ZC3H6: variants seen among roughly 807,000 people sequenced by gnomAD.
ZC3H6 encodes zinc finger CCCH domain-containing protein 6.
Under a neutral mutation model 107.7 loss-of-function variants are expected in ZC3H6, and 40 were observed. That is an observed-to-expected ratio of 0.37 (90% CI 0.29 to 0.48). The LOEUF is 0.48. Ranked by LOEUF, ZC3H6 falls within the 20% of genes least tolerant of loss-of-function variation. The probability of loss-of-function intolerance (pLI) is 0.98; values close to 1 mark genes in which losing one functional copy is unlikely to be tolerated. For synonymous variants in ZC3H6, 493 were observed against 487.9 expected (o/e 1.01, Z -0.14); for missense variants, 1,267 against 1,410.4 (o/e 0.90, Z 1.63).
In ZC3H6 at chr2:112,311,922, G is replaced by A. The variant is rs765923892; in HGVS notation, c.732G>A (p.Ser244=). The A allele has an allele frequency of 2.0e-5, 33 of 1,611,848 alleles. No individual in the cohort carries two copies. Among genetic ancestry groups the A allele is most frequent in the Admixed American group, 1.0e-4 (6 of 59,820 alleles). ...TNKGPNVFSV[S]DDFQEYNKPG... ...AAGGGCCTAATGTGTTTTCAGTATC[G>A]GATGACTTTCAAGAGGTACTAAGAA... is the stretch of plus-strand genomic sequence containing the variant. The change falls in exon 5 of 12, where the codon TCG becomes TCA. Residue 244 remains serine (S), a synonymous_variant. Transcript: ENST00000409871.
rs988346052 is a variant in ZC3H6 at position 112,339,149 on chromosome 2, C to G, written c.*6661C>G. 1.3e-5 allele frequency: 2 copies of G among 152,056 alleles called. No homozygotes were observed. Among genetic ancestry groups the G allele is most frequent in the Non-Finnish European group, 2.9e-5 (2 of 68,006 alleles). 9.4% of individuals were successfully genotyped at this position (152,056 alleles called of 1,614,324 possible). On this transcript the variant is annotated 3_prime_UTR_variant, in exon 12 of 12. Coordinates refer to ENST00000409871, the MANE Select transcript of ZC3H6 (RefSeq NM_198581.3). The stretch of plus-strand genomic sequence containing the variant: ...CCTCAAATGATCCACCGACCTGAGC[C>G]TCCCAAAGTGCTGGCCTTACAGGCA...
At chr2:112,315,598 TTTTG>T (rs887247356) in intron 5 of ZC3H6, among the ~76,000 whole-genome samples, 9 of 152,014 alleles carry the variant, frequency 5.9e-5, no homozygotes, top group African/African-American at 1.9e-4. Context: ...TTTGTTTTTT[TTTTG>T]TTTGTTTGTT....
In ZC3H6 at chr2:112,332,848, C is replaced by T. The variant is rs1386602243; in HGVS notation, c.*360C>T. 1 of 166,336 alleles carries T rather than the reference C, an allele frequency of 6.0e-6. No homozygotes were observed. Among genetic ancestry groups the T allele is most frequent in the Non-Finnish European group, 1.3e-5 (1 of 76,756 alleles). The allele number at this position is 166,336 out of a possible 1,614,324, so 10.3% of individuals were successfully genotyped here. A position where few individuals can be genotyped will look rare whatever the true frequency, so the allele number is the denominator to read the frequency against. On this transcript the variant is annotated 3_prime_UTR_variant, in exon 12 of 12. Coordinates refer to ENST00000409871, the MANE Select transcript of ZC3H6 (RefSeq NM_198581.3). ...TTTTATATGGTTGTTTAGTTTCAAGCAATATGATGTACATTACTTTTGAGA... is the reference window on the plus strand; with the variant it reads ...TTTTATATGGTTGTTTAGTTTCAAGTAATATGATGTACATTACTTTTGAGA...
chr2:112,282,497 G>C (rs1686545600), intron 1 of ZC3H6, among the ~76,000 whole-genome samples: 1 of 152,040 alleles, frequency 6.6e-6, no homozygotes, highest in Non-Finnish European at 1.5e-5. Context: ...AACAACCCTG[G>C]GAAATAGGTC....
chr2:112,320,759 A>G (rs1676786298), intron 7 of ZC3H6, among the ~76,000 whole-genome samples: 1 of 152,016 alleles, frequency 6.6e-6, no homozygotes, highest in Admixed American at 6.5e-5. Context: ...ATTTTACTTC[A>G]TTTACAATAT....
intron 3 of ZC3H6, among the ~76,000 whole-genome samples, chr2:112,309,398 G>A (rs1012026067): frequency 6.6e-6 from 1 of 151,994 alleles, no homozygotes; most frequent in African/African-American, 2.4e-5. Flanking sequence ...TTTTCTATTA[G>A]ACCCTTGATA....
intron 3 of ZC3H6, among the ~76,000 whole-genome samples, chr2:112,309,196 A>G (rs1676548523): frequency 6.6e-6 from 1 of 152,238 alleles, no homozygotes; most frequent in African/African-American, 2.4e-5. Context: ...AATAGAACTA[A>G]TAAAAATATT....
rs774192601 is a variant in ZC3H6 at position 112,332,196 on chromosome 2, C to G, written c.3278C>G (p.Ala1093Gly). 7 of 1,613,964 alleles carry G rather than the reference C, an allele frequency of 4.3e-6. No homozygotes were observed. Among genetic ancestry groups the G allele is most frequent in the Admixed American group, 1.7e-5 (1 of 60,014 alleles). ...AAAACTGAACCTTCTCCTGGAGAAG[C>G]CATCCTTCCACAAAAACCCAGTCCA... The part of the protein sequence containing the change: ...SDKTEPSPGE[A>G]ILPQKPSPNV... The change falls in exon 12 of 12, where the codon GCC becomes GGC. Residue 1093 changes from alanine (A) to glycine (G), a missense_variant. Ala to Gly is a moderately conservative substitution (Grantham distance 60, BLOSUM62 0). Coordinates refer to ENST00000409871, the MANE Select transcript of ZC3H6 (RefSeq NM_198581.3).
At chr2:112,277,836 C>G (rs1415647028) in intron 1 of ZC3H6, among the ~76,000 whole-genome samples, 1 of 151,594 alleles carries the variant, frequency 6.6e-6, no homozygotes. Flanking sequence ...ACAACTACAT[C>G]AAAAACAAAG....
At chr2:112,309,602 G>A (rs1048926156) in intron 3 of ZC3H6, among the ~76,000 whole-genome samples, 3 of 152,142 alleles carry the variant, frequency 2.0e-5, no homozygotes, top group Non-Finnish European at 4.4e-5. Context: ...GTATGATTGT[G>A]TGTATTTTTA....
chr2:112,320,171 G>A (rs1010819387), intron 7 of ZC3H6, among the ~76,000 whole-genome samples: 12 of 152,178 alleles, frequency 7.9e-5, no homozygotes, highest in African/African-American at 2.9e-4. Context: ...GACCTCAGGT[G>A]ATCCGCCTGC....
chr2:112,302,086 C>T (rs1474534240), intron 2 of ZC3H6, among the ~76,000 whole-genome samples: 1 of 151,952 alleles, frequency 6.6e-6, no homozygotes, highest in Admixed American at 6.5e-5. Context: ...CCAAGAAACA[C>T]AAGGACCAAA....
At position 112,324,343 on chromosome 2, in the gene ZC3H6, C is replaced by T; in HGVS notation, c.1532C>T (p.Pro511Leu). ...HHPCAGPPGL[P>L]VPQSPPLPPG... is the part of the protein sequence containing the mutation. ...CCATGTGCAGGACCTCCTGGTCTAC[C>T]AGTGCCACAGAGCCCACCTTTACCA... The change falls in exon 10 of 12, where the codon CCA becomes CTA. Residue 511 changes from proline (P) to leucine (L), a missense_variant. This residue lies in a region of ZC3H6 where 925 missense variants were observed against 1,025.7 expected (regional missense o/e 0.90). Coordinates refer to ENST00000409871, the MANE Select transcript of ZC3H6 (RefSeq NM_198581.3). 6.2e-7 allele frequency: 1 copy of T among 1,613,978 alleles called. No homozygotes were observed. The highest frequency in any genetic ancestry group is 1.1e-5 in the South Asian group (1 of 91,082).
intron 11 of ZC3H6, among the ~76,000 whole-genome samples, chr2:112,327,730 A>C (rs1021758921): frequency 7.9e-5 from 12 of 151,998 alleles, no homozygotes; most frequent in Non-Finnish European, 1.5e-4. Flanking sequence ...CTGCATATGG[A>C]TATCCAGTTT....
At chr2:112,303,448 T>C (rs996634883) in intron 3 of ZC3H6, 97 bp downstream of exon 3, 4 of 866,334 alleles carry the variant, frequency 4.6e-6, no homozygotes, top group Non-Finnish European at 3.5e-6. Context: ...TTAAGTATAT[T>C]GACAGTGTTG....
intron 3 of ZC3H6, among the ~76,000 whole-genome samples, chr2:112,304,436 G>C (rs1174370834): frequency 6.6e-6 from 1 of 152,176 alleles, no homozygotes; most frequent in African/African-American, 2.4e-5. Flanking sequence ...AGGGCTGTAA[G>C]GGAAGGATCT....
chr2:112,318,150 A>G (rs896247597), intron 7 of ZC3H6, among the ~76,000 whole-genome samples: 2 of 152,218 alleles, frequency 1.3e-5, no homozygotes, highest in Non-Finnish European at 2.9e-5. Flanking sequence ...TGTGAAAAAA[A>G]AGAAAGTGAA....
intron 7 of ZC3H6, among the ~76,000 whole-genome samples, chr2:112,321,139 A>G (rs910900480): frequency 1.2e-4 from 18 of 152,034 alleles, no homozygotes; most frequent in Admixed American, 1.0e-3. Flanking sequence ...ATTTTTCACT[A>G]TACTTCTAGA....
chr2:112,324,438 ACAC>A lies in ZC3H6; in HGVS notation c.1633_1635del (p.Pro545del). ...GCTTGTTCAACCAGACACATCTTTG[ACAC>A]CACCAAGTATGGGTGGGGCTTACCA... On this transcript the variant is annotated inframe_deletion, in exon 10 of 12. Coordinates refer to ENST00000409871, the MANE Select transcript of ZC3H6 (RefSeq NM_198581.3). 6.2e-7 allele frequency: 1 copy of A among 1,613,982 alleles called. No homozygotes were observed.
Sources: allele counts gnomAD v4.1 joint callset (sites outside exome capture counted in the v4.1 genomes callset), GRCh38; gene constraint gnomAD v4.1.1; regional missense constraint gnomAD v4.1.1; transcripts MANE v1.5; gene names NCBI Gene and HGNC (gene_info 2026-07-23, HGNC 2026-07-21).